The following KCNK2 variants were observed in gnomAD, a reference collection of about 807,000 sequenced individuals.
The protein encoded by KCNK2 is potassium two pore domain channel subfamily K member 2.
A neutral mutation model predicts 40.5 loss-of-function variants in KCNK2; 21 were observed. The observed-to-expected ratio is 0.52, with a 90% CI of 0.37 to 0.75. The LOEUF (loss-of-function observed/expected upper bound fraction) is 0.75, where lower values mean the gene tolerates loss of function less well. KCNK2 is among the 30% of genes least tolerant of loss of function. The pLI is 0.00. For synonymous variants in KCNK2, 191 were observed against 202.2 expected (o/e 0.94, Z 0.47); for missense variants, 399 against 531.6 (o/e 0.75, Z 2.45).
At chr1:215,007,037 A>ATATATGTGTGTGTGTG (rs1330420661) in intron 1 of KCNK2, among the ~76,000 whole-genome samples, 1 of 51,604 alleles carries the variant, frequency 1.9e-5, no homozygotes, top group East Asian at 7.0e-4. Flanking sequence ...ATATATATAT[A>ATATATGTGTGTGTGTG]TGTGTGTGTG....
intron 1 of KCNK2, among the ~76,000 whole-genome samples, chr1:215,069,046 C>G (rs1202519601): frequency 6.6e-6 from 1 of 152,110 alleles, no homozygotes; most frequent in Non-Finnish European, 1.5e-5. Flanking sequence ...AAAATAAAGT[C>G]AATACAATTT....
intron 1 of KCNK2, among the ~76,000 whole-genome samples, chr1:215,048,975 G>A (rs1417877164): frequency 6.6e-6 from 1 of 152,146 alleles, no homozygotes; most frequent in Non-Finnish European, 1.5e-5. Context: ...CATTGTATTA[G>A]GTGTTTGTGA....
At chr1:215,135,171 T>C (rs550950338) in intron 3 of KCNK2, among the ~76,000 whole-genome samples, 2 of 152,120 alleles carry the variant, frequency 1.3e-5, no homozygotes, top group South Asian at 4.1e-4. Context: ...AAAATAACTC[T>C]ACATTTTTTT....
chr1:215,197,449 TGAGA>T (rs1664909511), intron 6 of KCNK2, among the ~76,000 whole-genome samples: 2 of 152,152 alleles, frequency 1.3e-5, no homozygotes, highest in Non-Finnish European at 2.9e-5. Context: ...TGTGCATGCA[TGAGA>T]GAGAGTGAGA....
intron 2 of KCNK2, among the ~76,000 whole-genome samples, chr1:215,097,531 A>G (rs1372969749): frequency 1.3e-5 from 2 of 151,366 alleles, no homozygotes; most frequent in African/African-American, 4.8e-5. Context: ...TTGAAATTAC[A>G]TAATTTTCTT....
At chr1:215,011,355 A>C (rs1413053768) in intron 1 of KCNK2, among the ~76,000 whole-genome samples, 1 of 152,132 alleles carries the variant, frequency 6.6e-6, no homozygotes, top group African/African-American at 2.4e-5. Flanking sequence ...GTGCGGTGGC[A>C]CTGCCTTGGC....
chr1:215,114,812 T>C (rs1660847977), intron 2 of KCNK2, among the ~76,000 whole-genome samples: 1 of 152,182 alleles, frequency 6.6e-6, no homozygotes, highest in Non-Finnish European at 1.5e-5. Context: ...TTGTAGGTTA[T>C]TAATGGCAAT....
At chr1:215,095,201 T>C (rs754046814) in intron 2 of KCNK2, among the ~76,000 whole-genome samples, 1 of 152,116 alleles carries the variant, frequency 6.6e-6, no homozygotes, top group Non-Finnish European at 1.5e-5. Flanking sequence ...TAATTCGTAT[T>C]TGTAAAATGG....
intron 3 of KCNK2, among the ~76,000 whole-genome samples, chr1:215,136,011 G>A (rs189372923): frequency 4.2e-4 from 64 of 152,274 alleles, no homozygotes; most frequent in African/African-American, 1.4e-3. Context: ...GGGATTACAG[G>A]CGTTAGCCAC....
upstream of KCNK2, among the ~76,000 whole-genome samples, chr1:215,078,004 C>T (rs1659008336): frequency 6.6e-6 from 1 of 152,148 alleles, no homozygotes; most frequent in African/African-American, 2.4e-5. Flanking sequence ...AAATAAGTGG[C>T]AAGATTCATT....
rs1047041115 is a variant in KCNK2 at position 215,007,157 on chromosome 1, G to A, written c.34+1202G>A. Among the ~76,000 whole-genome samples, 640 of 92,030 alleles carry A rather than the reference G, an allele frequency of 7.0e-3. 33 individuals carry two copies. Among genetic ancestry groups the A allele is most frequent in the African/African-American group, 0.029 (606 of 20,546 alleles). 60.4% of individuals were successfully genotyped at this position (92,030 alleles called of 152,430 possible). On this transcript the variant is annotated intron_variant, in intron 1 of 6. Coordinates refer to the KCNK2 transcript ENST00000391895. ...TGTATATATATGTGTATATATATAT[G>A]TATGTATATATATATGTATGTGTGT...
intron 3 of KCNK2, among the ~76,000 whole-genome samples, chr1:215,142,373 AG>A (rs1471454945): frequency 1.3e-5 from 2 of 152,170 alleles, no homozygotes; most frequent in Non-Finnish European, 2.9e-5. Context: ...ACATGGTTGG[AG>A]TACATAATCT....
intron 5 of KCNK2, among the ~76,000 whole-genome samples, chr1:215,194,075 C>G (rs1571715067): frequency 2.0e-5 from 3 of 152,012 alleles, no homozygotes; most frequent in East Asian, 1.9e-4. Flanking sequence ...ATTTCTTGGG[C>G]TAAATTATGA....
chr1:215,058,425 C>T (rs916133312), intron 1 of KCNK2, among the ~76,000 whole-genome samples: 1 of 152,110 alleles, frequency 6.6e-6, no homozygotes, highest in Non-Finnish European at 1.5e-5. Flanking sequence ...TCAGAGAATT[C>T]GTGATTCCTC....
intron 3 of KCNK2, among the ~76,000 whole-genome samples, chr1:215,149,269 G>A (rs575069200): frequency 4.5e-4 from 68 of 152,246 alleles, no homozygotes; most frequent in African/African-American, 1.6e-3. Flanking sequence ...GTCGTCTGAG[G>A]ATGAGTGAGA....
intron 3 of KCNK2, among the ~76,000 whole-genome samples, chr1:215,128,790 GGAATTGTTTAAAGAA>G (rs1293454121): frequency 6.6e-6 from 1 of 151,816 alleles, no homozygotes; most frequent in Non-Finnish European, 1.5e-5. Flanking sequence ...CTTGTTTAAA[GGAATTGTTTAAAGAA>G]GAATTGTTTA....
At chr1:215,139,206 T>C (rs1258454679) in intron 3 of KCNK2, among the ~76,000 whole-genome samples, 1 of 152,182 alleles carries the variant, frequency 6.6e-6, no homozygotes, top group Non-Finnish European at 1.5e-5. Context: ...TCAAATATGA[T>C]TACCATTTCT....
intron 3 of KCNK2, among the ~76,000 whole-genome samples, chr1:215,135,885 C>A (rs1661882725): frequency 1.3e-5 from 2 of 152,008 alleles, no homozygotes; most frequent in Non-Finnish European, 2.9e-5. Context: ...CAGGCACGTG[C>A]CAGCATGCCC....
At chr1:215,032,612 T>A (rs1199470107) in intron 1 of KCNK2, among the ~76,000 whole-genome samples, 1 of 152,124 alleles carries the variant, frequency 6.6e-6, no homozygotes, top group African/African-American at 2.4e-5. Context: ...GTCAGAAAAA[T>A]ATTTCTCCTT....
Sources: allele counts gnomAD v4.1 joint callset (sites outside exome capture counted in the v4.1 genomes callset), GRCh38; gene constraint gnomAD v4.1.1; transcripts MANE v1.5; gene names NCBI Gene and HGNC (gene_info 2026-07-23, HGNC 2026-07-21).